The following AIM2 variants were observed in gnomAD, a reference collection of about 807,000 sequenced individuals.
The protein encoded by AIM2 is absent in melanoma 2.
A neutral mutation model predicts 27.7 loss-of-function variants in AIM2; 30 were observed. The ratio of observed to expected loss-of-function variants is 1.08; its 90% confidence interval spans 0.81 to 1.47. The LOEUF is 1.47. Among genes scored for constraint, AIM2 ranks in the 40% most tolerant of loss-of-function variants. AIM2 has a pLI of 0.00. For missense variants in AIM2, 358 were observed against 411.3 expected, an observed-to-expected ratio of 0.87 and a Z score of 1.12; for synonymous variants, 141 against 145.3, an observed-to-expected ratio of 0.97 and a Z score of 0.21.
chr1:159,108,464 TC>T (rs1199708262), intron 1 of AIM2, among the ~76,000 whole-genome samples: 1 of 152,098 alleles, frequency 6.6e-6, no homozygotes, highest in East Asian at 1.9e-4. Context: ...TTGAAAGCAT[TC>T]CCTCTGAGAA....
chr1:159,115,866 A>G (rs1382331854), intron 1 of AIM2, among the ~76,000 whole-genome samples: 5 of 152,012 alleles, frequency 3.3e-5, no homozygotes, highest in Non-Finnish European at 5.9e-5. Flanking sequence ...TCTGCACAGC[A>G]AAAGAAACTA....
At chr1:159,111,324 T>C (rs951498262) in intron 1 of AIM2, among the ~76,000 whole-genome samples, 1 of 152,200 alleles carries the variant, frequency 6.6e-6, no homozygotes, top group Non-Finnish European at 1.5e-5. Flanking sequence ...TAGGGTCTAT[T>C]AAAATGCATT....
chr1:159,078,581 T>G (rs146870060), upstream of AIM2, among the ~76,000 whole-genome samples: 419 of 152,104 alleles, frequency 2.8e-3, 5 homozygotes, highest in African/African-American at 9.3e-3. Flanking sequence ...GTGATTAAGC[T>G]GGGAAGTGGT....
At chr1:159,057,281 CAA>C in the AIM2 span, among the ~76,000 whole-genome samples, 1 of 152,028 alleles carries the variant, frequency 6.6e-6, no homozygotes, top group Admixed American at 6.5e-5. Flanking sequence ...GAGTTTGGGA[CAA>C]AATGTGTCTT....
At chr1:159,076,116 T>A (rs1656597998) in intron 1 of AIM2, among the ~76,000 whole-genome samples, 1 of 152,190 alleles carries the variant, frequency 6.6e-6, no homozygotes. Flanking sequence ...ATCCTACTGA[T>A]GAAAGCAAGG....
At chr1:159,068,285 TC>T (rs751729299) in intron 3 of AIM2, among the ~76,000 whole-genome samples, 6 of 152,240 alleles carry the variant, frequency 3.9e-5, no homozygotes, top group Non-Finnish European at 7.3e-5. Flanking sequence ...AAAATAGACT[TC>T]CTGTAAACAA....
intron 1 of AIM2, among the ~76,000 whole-genome samples, chr1:159,121,392 G>C (rs1299951852): frequency 6.6e-6 from 1 of 152,202 alleles, no homozygotes; most frequent in Non-Finnish European, 1.5e-5. Flanking sequence ...CATATTGTGA[G>C]TGTACCTGTG....
chr1:159,117,453 T>C (rs1236712748), intron 1 of AIM2, among the ~76,000 whole-genome samples: 2 of 152,204 alleles, frequency 1.3e-5, no homozygotes, highest in Non-Finnish European at 2.9e-5. Flanking sequence ...ATAAATTTTG[T>C]ATCCAAGATT....
downstream of AIM2, among the ~76,000 whole-genome samples, chr1:159,059,704 T>A (rs987959161): frequency 6.6e-6 from 1 of 152,194 alleles, no homozygotes; most frequent in Non-Finnish European, 1.5e-5. Flanking sequence ...CATCCCCACC[T>A]TTGCTTGCTT....
intron 1 of AIM2, among the ~76,000 whole-genome samples, chr1:159,137,427 C>T (rs1019440802): frequency 3.9e-5 from 6 of 152,194 alleles, no homozygotes; most frequent in South Asian, 2.1e-4. Flanking sequence ...GAGGCTGAGG[C>T]GGGTGGATCA....
At chr1:159,139,533 T>A (rs901710243) in intron 1 of AIM2, among the ~76,000 whole-genome samples, 4 of 152,238 alleles carry the variant, frequency 2.6e-5, no homozygotes, top group Admixed American at 2.6e-4. Flanking sequence ...CTCTTTTTTT[T>A]AATACATAAG....
chr1:159,125,611 T>C (rs564373715), intron 1 of AIM2, among the ~76,000 whole-genome samples: 100 of 152,316 alleles, frequency 6.6e-4, no homozygotes, highest in African/African-American at 2.3e-3. Flanking sequence ...ATCTGCTACT[T>C]AGAAGCTATG....
At chr1:159,076,248 AATCACATTT>A (rs1656603618) in intron 1 of AIM2, among the ~76,000 whole-genome samples, 1 of 152,220 alleles carries the variant, frequency 6.6e-6, no homozygotes, top group South Asian at 2.1e-4. Context: ...ATCACATTTT[AATCACATTT>A]TATGTGATTG....
chr1:159,061,746 A>AAT (rs1655845946), downstream of AIM2, among the ~76,000 whole-genome samples: 4 of 151,824 alleles, frequency 2.6e-5, no homozygotes, highest in African/African-American at 9.7e-5. Flanking sequence ...AACAAATATT[A>AAT]AGCCCCAATC....
intron 1 of AIM2, chr1:159,122,266 T>C (rs763311428): frequency 2.0e-5 from 3 of 152,148 alleles, no homozygotes; most frequent in Non-Finnish European, 4.4e-5. Flanking sequence ...GTGCTCCTGG[T>C]TTGGTGGCTC....
At chr1:159,128,323 C>A (rs995411341) in intron 1 of AIM2, among the ~76,000 whole-genome samples, 1 of 152,008 alleles carries the variant, frequency 6.6e-6, no homozygotes, top group African/African-American at 2.4e-5. Context: ...CTGCATGACT[C>A]TGGGGTTACA....
At chr1:159,125,586 G>A (rs993020479) in intron 1 of AIM2, among the ~76,000 whole-genome samples, 1 of 152,170 alleles carries the variant, frequency 6.6e-6, no homozygotes, top group African/African-American at 2.4e-5. Flanking sequence ...AGACAGATGT[G>A]GCTTTGACTG....
Position 159,074,481 on chromosome 1 carries a change from G to C in AIM2, c.-20-962C>G, listed in dbSNP as rs529461347. Among the ~76,000 whole-genome samples, 3 of 151,826 alleles carry C rather than the reference G, an allele frequency of 2.0e-5. No homozygotes were observed. In the South Asian group the frequency reaches 6.2e-4, roughly 32 times the overall value. ...TTTTTTACCTTTGCAAAAATCAGTT[G>C]TCCAAATATGAGTGAGTCTATTTCT... On this transcript the variant is annotated intron_variant, in intron 1 of 5. Transcript: ENST00000368130.
rs545057753 is a variant in AIM2 at position 159,104,635 on chromosome 1, A to T, written c.-16+35796T>A. Among the ~76,000 whole-genome samples the T allele has an allele frequency of 6.6e-5, 10 of 152,338 alleles. No individual in the cohort carries two copies. The South Asian group carries it at 2.1e-3, about 32-fold the overall frequency. On this transcript the variant is annotated intron_variant, in intron 1 of 2. Coordinates refer to the AIM2 transcript ENST00000368129. Reference sequence around the variant, plus strand: ...TGATTTTTATAGTGATTACATGTTGAAGTGATAATATTTTGGATATACTGG... The same window carrying T: ...TGATTTTTATAGTGATTACATGTTGTAGTGATAATATTTTGGATATACTGG...
Sources: allele counts gnomAD v4.1 joint callset (sites outside exome capture counted in the v4.1 genomes callset), GRCh38; gene constraint gnomAD v4.1.1; transcripts MANE v1.5; gene names NCBI Gene and HGNC (gene_info 2026-07-23, HGNC 2026-07-21).